APBA1: variants seen among roughly 807,000 people sequenced by gnomAD.
APBA1 encodes amyloid beta precursor protein binding family A member 1.
In APBA1, 55 loss-of-function variants were observed where a neutral mutation model predicts 86.6. That is an observed-to-expected ratio of 0.64 (90% CI 0.51 to 0.80). The LOEUF is 0.80. Ranked by LOEUF, APBA1 falls within the 30% of genes least tolerant of loss-of-function variation. APBA1 has a pLI of 0.00. For synonymous variants in APBA1, 511 were observed against 493.9 expected (o/e 1.03, Z -0.46); for missense variants, 1,090 against 1,183.0 (o/e 0.92, Z 1.15).
intron 1 of APBA1, among the ~76,000 whole-genome samples, chr9:69,568,928 G>A (rs777376044): frequency 3.9e-5 from 6 of 152,182 alleles, no homozygotes; most frequent in South Asian, 4.1e-4. Context: ...AGAGGTATAC[G>A]TGAGCCAGGA....
intron 1 of APBA1, among the ~76,000 whole-genome samples, chr9:69,605,545 C>T (rs909212221): frequency 2.6e-5 from 4 of 152,222 alleles, no homozygotes; most frequent in Non-Finnish European, 5.9e-5. Flanking sequence ...TCTATTCAAA[C>T]TCTACGTGCA....
chr9:69,503,601 A>G (rs113360002), intron 2 of APBA1, among the ~76,000 whole-genome samples: 52 of 152,284 alleles, frequency 3.4e-4, no homozygotes, highest in African/African-American at 1.1e-3. Flanking sequence ...TCTTGCCAAT[A>G]TAACAACTGC....
At chr9:69,464,364 TA>T (rs1835242206) in intron 5 of APBA1, 1 of 152,272 alleles carries the variant, frequency 6.6e-6, no homozygotes, top group Non-Finnish European at 1.5e-5. Flanking sequence ...AAATGATACT[TA>T]TAAGTTATAA....
intron 1 of APBA1, among the ~76,000 whole-genome samples, chr9:69,578,029 A>G (rs1556211): frequency 0.51 from 78,184 of 152,106 alleles, 22,458 homozygotes; most frequent in East Asian, 0.83. Context: ...GAAGGACCCT[A>G]GATTGGCTGT....
intron 2 of APBA1, among the ~76,000 whole-genome samples, chr9:69,482,119 A>G (rs1208864947): frequency 6.6e-6 from 1 of 151,944 alleles, no homozygotes; most frequent in Non-Finnish European, 1.5e-5. Context: ...AAATGGACAA[A>G]TGGGATCTAA....
chr9:69,646,739 T>A (rs1222694372), intron 1 of APBA1, among the ~76,000 whole-genome samples: 1 of 152,222 alleles, frequency 6.6e-6, no homozygotes, highest in African/African-American at 2.4e-5. Flanking sequence ...TGGCCACACA[T>A]CTAAGCCACA....
At chr9:69,623,950 G>A (rs950581606) in intron 1 of APBA1, among the ~76,000 whole-genome samples, 1 of 152,148 alleles carries the variant, frequency 6.6e-6, no homozygotes, top group Admixed American at 6.5e-5. Flanking sequence ...CATGAGGTAG[G>A]TATAAGTGTA....
At chr9:69,626,352 C>CT (rs1289242405) in intron 1 of APBA1, among the ~76,000 whole-genome samples, 4 of 151,266 alleles carry the variant, frequency 2.6e-5, no homozygotes, top group South Asian at 2.1e-4. Flanking sequence ...TTGTTTTTGG[C>CT]TTTTTTTTCC....
chr9:69,537,914 T>C (rs1393938039), intron 1 of APBA1, among the ~76,000 whole-genome samples: 1 of 152,070 alleles, frequency 6.6e-6, no homozygotes, highest in Non-Finnish European at 1.5e-5. Flanking sequence ...AGTTTCTCTT[T>C]CCATAGAGAA....
intron 1 of APBA1, among the ~76,000 whole-genome samples, chr9:69,532,219 T>A (rs1836445175): frequency 6.6e-6 from 1 of 152,200 alleles, no homozygotes; most frequent in Non-Finnish European, 1.5e-5. Context: ...TTCCATTAAA[T>A]TTTTCTGTAA....
At chr9:69,531,323 C>A (rs1836430491) in intron 1 of APBA1, among the ~76,000 whole-genome samples, 2 of 152,184 alleles carry the variant, frequency 1.3e-5, no homozygotes, top group East Asian at 1.9e-4. Context: ...CGTACCATCA[C>A]CCTCCTTCAT....
At chr9:69,660,831 A>G (rs770871902) in intron 1 of APBA1, among the ~76,000 whole-genome samples, 61 of 152,106 alleles carry the variant, frequency 4.0e-4, no homozygotes, top group Admixed American at 2.2e-3. Flanking sequence ...TGAAAAAATG[A>G]GTGTGTGGGT....
At chr9:69,561,017 C>T (rs888216502) in intron 1 of APBA1, among the ~76,000 whole-genome samples, 1 of 151,898 alleles carries the variant, frequency 6.6e-6, no homozygotes, top group South Asian at 2.1e-4. Context: ...TGAATAATAA[C>T]TAAATATGAC....
Position 69,531,347 on chromosome 9 carries a change from A to G in APBA1, c.-69-14068T>C, listed in dbSNP as rs78932963. Among the ~76,000 whole-genome samples the G allele has an allele frequency of 7.3e-3, 1,110 of 152,294 alleles. 10 individuals are homozygous for G. Among genetic ancestry groups the G allele is most frequent in the African/African-American group, 0.025 (1,038 of 41,556 alleles). ...ACCCTCCTTCATCACCCTGTTCAACAAAGAAAAGACCCTTCAATTATCAGA... is the reference window on the plus strand; with the variant it reads ...ACCCTCCTTCATCACCCTGTTCAACGAAGAAAAGACCCTTCAATTATCAGA... On this transcript the variant is annotated intron_variant, in intron 1 of 12. Coordinates refer to ENST00000265381, the MANE Select transcript of APBA1 (RefSeq NM_001163.4).
At chr9:69,597,906 C>T (rs933619417) in intron 1 of APBA1, among the ~76,000 whole-genome samples, 10 of 152,164 alleles carry the variant, frequency 6.6e-5, no homozygotes, top group African/African-American at 2.4e-4. Flanking sequence ...ACTAGAAATA[C>T]CATTTGGCCC....
chr9:69,486,650 T>A (rs1357925281), intron 2 of APBA1, among the ~76,000 whole-genome samples: 1 of 151,826 alleles, frequency 6.6e-6, no homozygotes, highest in Non-Finnish European at 1.5e-5. Context: ...CACCATGTGG[T>A]CTTCACAGAG....
At chr9:69,657,019 G>A (rs1277938012) in intron 1 of APBA1, among the ~76,000 whole-genome samples, 1 of 151,686 alleles carries the variant, frequency 6.6e-6, no homozygotes, top group Non-Finnish European at 1.5e-5. Flanking sequence ...CTAATTTTTT[G>A]TATTTTTAGT....
chr9:69,499,646 G>A lies in APBA1; in HGVS notation c.1200+16365C>T, dbSNP rs557894019. On this transcript the variant is annotated intron_variant, in intron 2 of 12. Transcript: ENST00000265381. ...TAGCATGTGCACTTGACCTTGGTCAGTAGTTTCCTAGCAACGGTCCAAAAA... is the reference window on the plus strand; with the variant it reads ...TAGCATGTGCACTTGACCTTGGTCAATAGTTTCCTAGCAACGGTCCAAAAA... Among the ~76,000 whole-genome samples, 8 of 146,150 alleles carry A rather than the reference G, an allele frequency of 5.5e-5. No individual in the cohort carries two copies. The South Asian group carries it at 1.8e-3, about 32-fold the overall frequency.
intron 1 of APBA1, among the ~76,000 whole-genome samples, chr9:69,648,756 G>A (rs1036862643): frequency 6.6e-6 from 1 of 152,044 alleles, no homozygotes; most frequent in African/African-American, 2.4e-5. Flanking sequence ...CATCCATATG[G>A]ATTAGTGAAT....
Sources: allele counts gnomAD v4.1 joint callset (sites outside exome capture counted in the v4.1 genomes callset), GRCh38; gene constraint gnomAD v4.1.1; transcripts MANE v1.5; gene names NCBI Gene and HGNC (gene_info 2026-07-23, HGNC 2026-07-21).